DAAM1: variants seen among roughly 807,000 people sequenced by gnomAD.
The protein encoded by DAAM1 is disheveled-associated activator of morphogenesis 1.
In DAAM1, 52 loss-of-function variants were observed where a neutral mutation model predicts 130.0. That is an observed-to-expected ratio of 0.40 (90% confidence interval 0.32 to 0.50). DAAM1 has a LOEUF of 0.50. Ranked by LOEUF, DAAM1 falls within the 20% of genes least tolerant of loss-of-function variation. DAAM1 has a pLI of 0.61. For missense variants in DAAM1, 1,134 were observed against 1,303.8 expected (o/e 0.87, Z 2.01); for synonymous variants, 452 against 444.5 (o/e 1.02, Z -0.21).
At chr14:59,307,818 A>T (rs906751640) in intron 3 of DAAM1, among the ~76,000 whole-genome samples, 2 of 152,180 alleles carry the variant, frequency 1.3e-5, no homozygotes, top group African/African-American at 2.4e-5. Context: ...AGGGACTTAA[A>T]TGTCCCCCCA....
rs142179993 is a variant in DAAM1 at position 59,275,814 on chromosome 14, C to G, written c.183+12154C>G. ...CAGCCTTTGCTTGTGGTGTTTCTCA[C>G]TTCTTATTTTTATGTATCAAATGAA... On this transcript the variant is annotated intron_variant, in intron 2 of 24. Coordinates refer to ENST00000360909, the MANE Select transcript of DAAM1 (RefSeq NM_001270520.2). 3.0e-3 allele frequency among the ~76,000 whole-genome samples: 460 copies of G among 152,276 alleles called. 4 individuals are homozygous for G. Among genetic ancestry groups the G allele is most frequent in the Non-Finnish European group, 2.6e-3 (175 of 68,020 alleles).
intron 1 of DAAM1, among the ~76,000 whole-genome samples, chr14:59,255,388 A>AT (rs965711235): frequency 2.1e-3 from 316 of 150,458 alleles, no homozygotes; most frequent in African/African-American, 7.0e-3. Flanking sequence ...ATATCCCGTG[A>AT]TTTTTTTTTT....
At chr14:59,211,599 A>G (rs1379987718) in intron 1 of DAAM1, among the ~76,000 whole-genome samples, 2 of 152,230 alleles carry the variant, frequency 1.3e-5, no homozygotes, top group African/African-American at 4.8e-5. Flanking sequence ...GCATCATTCA[A>G]ATGCCAGATG....
chr14:59,255,029 T>G (rs554778639), intron 1 of DAAM1, among the ~76,000 whole-genome samples: 1 of 152,344 alleles, frequency 6.6e-6, no homozygotes, highest in Admixed American at 6.5e-5. Flanking sequence ...CCCCTGCCTA[T>G]GCTGAGGCAG....
At chr14:59,247,575 T>A (rs1026240898) in intron 1 of DAAM1, among the ~76,000 whole-genome samples, 5 of 152,214 alleles carry the variant, frequency 3.3e-5, no homozygotes, top group Non-Finnish European at 7.4e-5. Context: ...TAGTTTTCAG[T>A]GTACAAGCTT....
intron 1 of DAAM1, among the ~76,000 whole-genome samples, chr14:59,261,292 A>G (rs151078843): frequency 6.6e-6 from 1 of 152,256 alleles, no homozygotes; most frequent in Non-Finnish European, 1.5e-5. Context: ...TATTACCTTT[A>G]TTATAACTAT....
chr14:59,300,582 A>G (rs906469078), intron 3 of DAAM1, among the ~76,000 whole-genome samples: 1 of 152,210 alleles, frequency 6.6e-6, no homozygotes, highest in African/African-American at 2.4e-5. Flanking sequence ...TAAATATACA[A>G]AAAAGTACAG....
chr14:59,194,010 C>T (rs777287029), intron 1 of DAAM1, among the ~76,000 whole-genome samples: 3 of 152,158 alleles, frequency 2.0e-5, no homozygotes, highest in Non-Finnish European at 2.9e-5. Context: ...ACTTTTATTG[C>T]CATGTTCTAG....
intron 20 of DAAM1, among the ~76,000 whole-genome samples, chr14:59,357,729 G>C (rs772186311): frequency 2.0e-5 from 3 of 151,926 alleles, no homozygotes; most frequent in Admixed American, 1.3e-4. Context: ...AGTGAGCCCA[G>C]ATCGCACCAC....
At chr14:59,282,867 C>G (rs141445212) in intron 2 of DAAM1, among the ~76,000 whole-genome samples, 1 of 152,218 alleles carries the variant, frequency 6.6e-6, no homozygotes, top group African/African-American at 2.4e-5. Flanking sequence ...CCATTTATTC[C>G]TTTCCATTTT....
chr14:59,276,653 C>T (rs1255704518), intron 2 of DAAM1, among the ~76,000 whole-genome samples: 1 of 152,088 alleles, frequency 6.6e-6, no homozygotes, highest in Non-Finnish European at 1.5e-5. Context: ...GGACAAATAT[C>T]TGAGGTATCT....
At chr14:59,241,795 G>A (rs12435707) in intron 1 of DAAM1, among the ~76,000 whole-genome samples, 1,548 of 152,248 alleles carry the variant, frequency 0.01, 121 homozygotes, top group Admixed American at 0.093. Flanking sequence ...TGTGACCTTC[G>A]TTCTAGACTT....
At chr14:59,284,138 A>T (rs1260139502) in intron 2 of DAAM1, among the ~76,000 whole-genome samples, 1 of 152,142 alleles carries the variant, frequency 6.6e-6, no homozygotes, top group East Asian at 1.9e-4. Flanking sequence ...CTTTAGGAGA[A>T]ATCTGGCCAT....
intron 1 of DAAM1, among the ~76,000 whole-genome samples, chr14:59,215,219 T>G (rs192763225): frequency 3.3e-4 from 50 of 152,350 alleles, no homozygotes; most frequent in African/African-American, 1.2e-3. Flanking sequence ...AGTTTTACTT[T>G]CCTGCCTTTA....
rs1449311570 is a variant in DAAM1, at chr14:59,323,023, A to G, written c.572A>G (p.Asn191Ser). Reference sequence around the variant, plus strand: ...GGCTGTATAAAGGCGTTAATGAACAACTCTCAAGGCCGGGCTCACGTCCTG... The same window carrying G: ...GGCTGTATAAAGGCGTTAATGAACAGCTCTCAAGGCCGGGCTCACGTCCTG... ...LIGCIKALMN[N>S]SQGRAHVLAH... The change falls in exon 6 of 25, where the codon AAC becomes AGC. Residue 191 changes from asparagine to serine, a missense_variant. This residue lies in a region of DAAM1 where 391 missense variants were observed against 521.6 expected (regional missense o/e 0.75). Transcript: ENST00000360909. The G allele has an allele frequency of 1.2e-6, 2 of 1,614,016 alleles. No homozygotes were observed. Among genetic ancestry groups the G allele is most frequent in the South Asian group, 1.1e-5 (1 of 91,070 alleles).
intron 3 of DAAM1, among the ~76,000 whole-genome samples, chr14:59,292,015 A>G (rs1594803898): frequency 6.6e-6 from 1 of 152,162 alleles, no homozygotes; most frequent in African/African-American, 2.4e-5. Flanking sequence ...GGCACCAGGC[A>G]TCACTCCATG....
chr14:59,192,152 GTGT>G (rs1566641383), intron 1 of DAAM1, among the ~76,000 whole-genome samples: 21 of 43,286 alleles, frequency 4.9e-4, no homozygotes, highest in African/African-American at 8.8e-4. Flanking sequence ...GTTAAGGGGT[GTGT>G]GTGTGTGTGT....
chr14:59,207,895 G>A (rs180968985), intron 1 of DAAM1, among the ~76,000 whole-genome samples: 35 of 152,192 alleles, frequency 2.3e-4, no homozygotes, highest in African/African-American at 7.2e-4. Context: ...AAATTTTGCC[G>A]TGCCTAGCAT....
chr14:59,219,602 C>G (rs922621065), intron 1 of DAAM1, among the ~76,000 whole-genome samples: 1 of 152,168 alleles, frequency 6.6e-6, no homozygotes, highest in African/African-American at 2.4e-5. Context: ...TTATACGGTA[C>G]TCTTTCCTCC....
Sources: gnomAD v4.1 joint callset for allele counts (sites outside exome capture counted in the v4.1 genomes callset) on GRCh38, gnomAD v4.1.1 for gene constraint, gnomAD v4.1.1 regional missense constraint, MANE v1.5 for transcripts, NCBI Gene and HGNC (gene_info 2026-07-23, HGNC 2026-07-21) for gene names.